The following SPAG16 variants were observed in gnomAD, a reference collection of about 807,000 sequenced individuals.
SPAG16 encodes sperm associated antigen 16, also known as sperm-associated antigen 16 protein.
Under a neutral mutation model 80.4 loss-of-function variants are expected in SPAG16, and 86 were observed. The ratio of observed to expected loss-of-function variants is 1.07; its 90% confidence interval spans 0.90 to 1.28. The LOEUF (loss-of-function observed/expected upper bound fraction) is 1.28. SPAG16 is among the 50% of genes most tolerant of loss of function. SPAG16 has a pLI of 0.00. For synonymous variants in SPAG16, 294 were observed against 265.9 expected, an observed-to-expected ratio of 1.11 and a Z score of -1.03; for missense variants, 870 against 765.3, an observed-to-expected ratio of 1.14 and a Z score of -1.61.
chr2:214,216,065 T>C lies in SPAG16; in HGVS notation c.1720+66799T>C, dbSNP rs148166813. Among the ~76,000 whole-genome samples, 220 of 152,322 alleles carry C rather than the reference T, an allele frequency of 1.4e-3. 4 individuals carry two copies. The highest frequency in any genetic ancestry group is 4.6e-3 in the African/African-American group (191 of 41,578). ...CTTGGAGGCAGGAATTTGAAATTCATGCCTCAGGACAATAAAATTAGCCAA... is the reference window on the plus strand; with the variant it reads ...CTTGGAGGCAGGAATTTGAAATTCACGCCTCAGGACAATAAAATTAGCCAA... On this transcript the variant is annotated intron_variant, in intron 15 of 15. Coordinates refer to ENST00000331683, the MANE Select transcript of SPAG16 (RefSeq NM_024532.5).
intron 10 of SPAG16, among the ~76,000 whole-genome samples, chr2:213,498,431 T>G (rs950954284): frequency 6.6e-6 from 1 of 152,160 alleles, no homozygotes; most frequent in African/African-American, 2.4e-5. Flanking sequence ...AATGATATTG[T>G]CATATTGGTT....
chr2:214,384,717 G>T (rs1236355560), intron 15 of SPAG16, among the ~76,000 whole-genome samples: 1 of 152,170 alleles, frequency 6.6e-6, no homozygotes, highest in Admixed American at 6.5e-5. Flanking sequence ...CCTAATTTCT[G>T]CAATAGGTCA....
intron 10 of SPAG16, among the ~76,000 whole-genome samples, chr2:213,842,654 A>G (rs1476104597): frequency 1.3e-5 from 2 of 152,190 alleles, no homozygotes; most frequent in African/African-American, 4.8e-5. Flanking sequence ...CTAGTGTAAT[A>G]TGTTCATCTC....
At chr2:214,082,515 C>T (rs1272503485) in intron 13 of SPAG16, among the ~76,000 whole-genome samples, 1 of 152,104 alleles carries the variant, frequency 6.6e-6, no homozygotes, top group Non-Finnish European at 1.5e-5. Context: ...TCTACTTCTG[C>T]CCTCTTCTCT....
rs2064113389 is a variant in SPAG16, at chr2:213,676,959, T to C, written c.1071-185526T>C. 2.6e-5 allele frequency among the ~76,000 whole-genome samples: 4 copies of C among 151,820 alleles called. No homozygotes were observed. The South Asian group carries it at 8.3e-4, about 32-fold the overall frequency. On this transcript the variant is annotated intron_variant, in intron 10 of 15. Transcript: ENST00000331683. ...ATTGGAATAGTTTCAGAAGGAATGG[T>C]ACCAGTTCCTCCTTGTACCTCTGGT...
intron 7 of SPAG16, among the ~76,000 whole-genome samples, chr2:213,359,719 C>G (rs549914387): frequency 5.3e-5 from 8 of 152,252 alleles, no homozygotes; most frequent in African/African-American, 1.7e-4. Flanking sequence ...TCCCCCAACC[C>G]CTTGCACTCC....
intron 15 of SPAG16, among the ~76,000 whole-genome samples, chr2:214,368,205 T>A (rs537598246): frequency 7.2e-5 from 11 of 152,136 alleles, no homozygotes; most frequent in Non-Finnish European, 1.5e-4. Context: ...GTTATATGTT[T>A]CTTTCCTAAA....
intron 7 of SPAG16, among the ~76,000 whole-genome samples, chr2:213,351,923 G>A (rs893358346): frequency 2.0e-5 from 3 of 152,050 alleles, no homozygotes; most frequent in African/African-American, 7.2e-5. Flanking sequence ...TCATCCCCAC[G>A]TGTCAAGGGC....
chr2:214,171,063 C>T (rs2056852946), intron 15 of SPAG16, among the ~76,000 whole-genome samples: 1 of 151,922 alleles, frequency 6.6e-6, no homozygotes, highest in African/African-American at 2.4e-5. Context: ...GCCATTGTGC[C>T]TTTACATCCA....
At chr2:213,484,499 T>G (rs1193422583) in intron 9 of SPAG16, among the ~76,000 whole-genome samples, 4 of 152,130 alleles carry the variant, frequency 2.6e-5, no homozygotes, top group Non-Finnish European at 5.9e-5. Flanking sequence ...ATTTGAGTGA[T>G]GAATGAAATA....
At chr2:213,720,776 C>T (rs1439978843) in intron 10 of SPAG16, among the ~76,000 whole-genome samples, 13 of 122,684 alleles carry the variant, frequency 1.1e-4, no homozygotes, top group African/African-American at 3.7e-4. Context: ...GATGGAGTCT[C>T]GCTCTTTCCA....
chr2:214,390,331 C>CT (rs5838433), intron 15 of SPAG16, among the ~76,000 whole-genome samples: 8,691 of 112,438 alleles, frequency 0.077, 433 homozygotes, highest in Admixed American at 0.16. Flanking sequence ...AATGGGTATG[C>CT]TTTTTTTTTT....
intron 15 of SPAG16, among the ~76,000 whole-genome samples, chr2:214,222,261 C>T (rs1576531318): frequency 6.6e-6 from 1 of 151,982 alleles, no homozygotes; most frequent in Non-Finnish European, 1.5e-5. Context: ...GAATTACAGG[C>T]ACCCACCACT....
At chr2:214,388,386 A>T (rs1414382690) in intron 15 of SPAG16, among the ~76,000 whole-genome samples, 2 of 152,114 alleles carry the variant, frequency 1.3e-5, no homozygotes, top group Non-Finnish European at 2.9e-5. Context: ...GTCATGGTAT[A>T]CCTGCCTGTG....
intron 10 of SPAG16, among the ~76,000 whole-genome samples, chr2:213,597,772 C>T (rs1376700361): frequency 1.3e-5 from 2 of 152,060 alleles, no homozygotes; most frequent in Non-Finnish European, 2.9e-5. Context: ...TTTTGCCCCC[C>T]CAAAAACTTC....
intron 15 of SPAG16, among the ~76,000 whole-genome samples, chr2:214,353,287 A>C (rs908423668): frequency 6.6e-6 from 1 of 151,046 alleles, no homozygotes; most frequent in East Asian, 2.0e-4. Context: ...ATATAAAATT[A>C]CTGAGGAAAA....
At chr2:214,395,258 G>C (rs574612385) in intron 15 of SPAG16, among the ~76,000 whole-genome samples, 3 of 152,316 alleles carry the variant, frequency 2.0e-5, no homozygotes, top group African/African-American at 7.2e-5. Context: ...GCAAGAGTAT[G>C]TTTACTTTTG....
In SPAG16 at chr2:214,289,625, A is replaced by G. The variant is rs550345372; in HGVS notation, c.1721-120515A>G. On this transcript the variant is annotated intron_variant, in intron 15 of 15. Transcript: ENST00000331683. The stretch of plus-strand genomic sequence containing the variant: ...CAAAACCATGCTGTTTGTTTGGGTT[A>G]TTATAGCCGTCTAACATATTTTGAA... Among the ~76,000 whole-genome samples, 20 of 152,294 alleles carry G rather than the reference A, an allele frequency of 1.3e-4. No homozygotes were observed. The South Asian group carries it at 3.9e-3, about 30-fold the overall frequency.
intron 13 of SPAG16, among the ~76,000 whole-genome samples, chr2:214,021,788 T>C (rs1358076282): frequency 6.6e-6 from 1 of 152,180 alleles, no homozygotes; most frequent in Non-Finnish European, 1.5e-5. Flanking sequence ...GTTGCACAAA[T>C]CCTGTGTAGA....
Sources: allele counts gnomAD v4.1 joint callset (sites outside exome capture counted in the v4.1 genomes callset), GRCh38; gene constraint gnomAD v4.1.1; transcripts MANE v1.5; gene names NCBI Gene and HGNC (gene_info 2026-07-23, HGNC 2026-07-21).